CNNM2: variants seen among roughly 807,000 people sequenced by gnomAD.
The protein encoded by CNNM2 is metal transporter CNNM2.
In CNNM2, 12 loss-of-function variants were observed where a neutral mutation model predicts 66.9. The observed-to-expected ratio is 0.18, with a 90% CI of 0.11 to 0.29. The LOEUF (loss-of-function observed/expected upper bound fraction) is 0.29, where lower values mean the gene tolerates loss of function less well. Ranked by LOEUF, CNNM2 falls within the 10% of genes least tolerant of loss-of-function variation. CNNM2 has a pLI of 1.00. For synonymous variants in CNNM2, 557 were observed against 501.8 expected (o/e 1.11, Z -1.47); for missense variants, 705 against 1,167.7 (o/e 0.60, Z 5.77).
chr10:102,976,649 G>A (rs1590338047), intron 1 of CNNM2, among the ~76,000 whole-genome samples: 1 of 40,952 alleles, frequency 2.4e-5, no homozygotes, highest in Non-Finnish European at 5.0e-5. Flanking sequence ...TGTATTTTTA[G>A]TAGAGACAGG....
chr10:103,001,327 T>C (rs1254420498), intron 1 of CNNM2, among the ~76,000 whole-genome samples: 1 of 152,176 alleles, frequency 6.6e-6, no homozygotes, highest in East Asian at 1.9e-4. Context: ...GTTAAAATGG[T>C]AAATCTTATG....
intron 1 of CNNM2, among the ~76,000 whole-genome samples, chr10:102,998,656 T>C (rs1025963683): frequency 6.6e-6 from 1 of 152,060 alleles, no homozygotes; most frequent in African/African-American, 2.4e-5. Context: ...ATCTTCTATA[T>C]AGAAAATGCT....
chr10:103,028,667 C>T (rs966694426), intron 1 of CNNM2, among the ~76,000 whole-genome samples: 1 of 152,012 alleles, frequency 6.6e-6, no homozygotes, highest in African/African-American at 2.4e-5. Flanking sequence ...AATCAACTGG[C>T]AGTCACTGAT....
intron 1 of CNNM2, among the ~76,000 whole-genome samples, chr10:102,994,059 C>T (rs925728337): frequency 1.3e-5 from 2 of 152,092 alleles, no homozygotes; most frequent in Non-Finnish European, 2.9e-5. Flanking sequence ...GCCTCAGCCT[C>T]GTGAGTAGCT....
chr10:102,947,130 T>A (rs539446166), intron 1 of CNNM2, among the ~76,000 whole-genome samples: 137 of 152,274 alleles, frequency 9.0e-4, no homozygotes, highest in African/African-American at 3.2e-3. Context: ...CCATAAATTC[T>A]CCAGTCATAT....
rs777792229 is a variant in CNNM2 at position 103,071,781 on chromosome 10, G to A, written c.2175G>A (p.Leu725=). The A allele has an allele frequency of 6.2e-7, 1 of 1,613,730 alleles. No individual in the cohort carries two copies. Among genetic ancestry groups the A allele is most frequent in the South Asian group, 1.1e-5 (1 of 91,068 alleles). Residue 725 remains leucine, a synonymous_variant, in exon 6 of 8, where the codon TTG becomes TTA. Coordinates refer to ENST00000369878, the MANE Select transcript of CNNM2 (RefSeq NM_017649.5). ...TTTTTCTCCATTTTTCAGTTCCTTT[G>A]TCCCTGTCTCGTACCTTTGTTGTCA... ...VMALTASPVP[L]SLSRTFVVSR...
intron 1 of CNNM2, among the ~76,000 whole-genome samples, chr10:102,949,923 A>G (rs1846765659): frequency 6.6e-6 from 1 of 152,192 alleles, no homozygotes; most frequent in Non-Finnish European, 1.5e-5. Context: ...CAGTTTACCA[A>G]TCTGTTTGAT....
chr10:103,089,493 T>C lies in CNNM2; in HGVS notation c.*12313T>C. 8.7e-7 allele frequency: 1 copy of C among 1,150,620 alleles called. No homozygotes were observed. The highest frequency in any genetic ancestry group is 1.2e-6 in the Non-Finnish European group (1 of 851,070). The allele number at this position is 1,150,620 out of a possible 1,614,324, so 71.3% of individuals were successfully genotyped here. ...ACAATTTTGGACCATCTGCAGAGAG[T>C]ACAGATACACAAAACCAAAACAAGT... On this transcript the variant is annotated 3_prime_UTR_variant, in exon 8 of 8. Transcript: ENST00000369878.
At chr10:102,987,223 C>A (rs899477661) in intron 1 of CNNM2, among the ~76,000 whole-genome samples, 1 of 152,086 alleles carries the variant, frequency 6.6e-6, no homozygotes, top group African/African-American at 2.4e-5. Context: ...TATTCTAAAG[C>A]GGTAGTCCTC....
chr10:103,061,955 C>T (rs2065393313), intron 4 of CNNM2, among the ~76,000 whole-genome samples: 1 of 152,092 alleles, frequency 6.6e-6, no homozygotes, highest in South Asian at 2.1e-4. Flanking sequence ...ATGCCCCATC[C>T]CCTCAAATTT....
chr10:103,014,120 C>G (rs2064396598), intron 1 of CNNM2, among the ~76,000 whole-genome samples: 1 of 152,198 alleles, frequency 6.6e-6, no homozygotes, highest in Non-Finnish European at 1.5e-5. Flanking sequence ...TTACGCATTA[C>G]AGCTTGAAAG....
chr10:103,028,444 G>A (rs2064750228), intron 1 of CNNM2, among the ~76,000 whole-genome samples: 1 of 152,174 alleles, frequency 6.6e-6, no homozygotes, highest in African/African-American at 2.4e-5. Flanking sequence ...GCACAACAGA[G>A]GAAGGAGCAC....
At chr10:102,926,041 T>C (rs1845848125) in intron 1 of CNNM2, among the ~76,000 whole-genome samples, 1 of 152,202 alleles carries the variant, frequency 6.6e-6, no homozygotes, top group Non-Finnish European at 1.5e-5. Flanking sequence ...ATGATTGGAT[T>C]TGGTTAGGAC....
chr10:103,052,644 G>T (rs907699217), intron 2 of CNNM2, among the ~76,000 whole-genome samples: 1 of 151,890 alleles, frequency 6.6e-6, no homozygotes, highest in Non-Finnish European at 1.5e-5. Flanking sequence ...CTCCTGAGTA[G>T]CTGGGATTAC....
At chr10:103,005,521 C>T (rs1452332467) in intron 1 of CNNM2, among the ~76,000 whole-genome samples, 1 of 152,042 alleles carries the variant, frequency 6.6e-6, no homozygotes, top group South Asian at 2.1e-4. Context: ...TGGTGGTGCA[C>T]ACCTGTAATC....
chr10:102,962,020 G>T (rs1384178825), intron 1 of CNNM2, among the ~76,000 whole-genome samples: 1 of 152,006 alleles, frequency 6.6e-6, no homozygotes, highest in Non-Finnish European at 1.5e-5. Context: ...ATTCTACCTT[G>T]GTAATAAGAG....
intron 1 of CNNM2, among the ~76,000 whole-genome samples, chr10:102,956,322 A>G (rs964422112): frequency 2.6e-5 from 4 of 151,598 alleles, no homozygotes; most frequent in African/African-American, 7.3e-5. Context: ...AGGAAACAAC[A>G]GATGCTGGAG....
At chr10:102,922,252 G>T (rs942180477) in intron 1 of CNNM2, among the ~76,000 whole-genome samples, 5 of 152,308 alleles carry the variant, frequency 3.3e-5, no homozygotes, top group African/African-American at 1.2e-4. Context: ...TTTAAGCCAT[G>T]ATCTTAAAAG....
At chr10:103,038,099 C>A (rs941756237) in intron 1 of CNNM2, among the ~76,000 whole-genome samples, 2 of 152,146 alleles carry the variant, frequency 1.3e-5, no homozygotes, top group Non-Finnish European at 1.5e-5. Flanking sequence ...CTTAGCCTCC[C>A]AAAGTGCAGG....
Sources: gnomAD v4.1 joint callset for allele counts (sites outside exome capture counted in the v4.1 genomes callset) on GRCh38, gnomAD v4.1.1 for gene constraint, MANE v1.5 for transcripts, NCBI Gene and HGNC (gene_info 2026-07-23, HGNC 2026-07-21) for gene names.